The following RAD52 variants were observed in gnomAD, a reference collection of about 807,000 sequenced individuals.
RAD52 encodes RAD52 DNA repair protein.
RAD52 carries 47 observed loss-of-function variants against 55.5 expected under a neutral mutation model. The ratio of observed to expected loss-of-function variants is 0.85; its 90% confidence interval spans 0.67 to 1.08. The LOEUF is 1.08. RAD52 is among the 50% of genes least tolerant of loss of function. The pLI, the probability that RAD52 is intolerant of heterozygous loss-of-function variation, is 0.00. For synonymous variants in RAD52, 184 were observed against 198.9 expected, an observed-to-expected ratio of 0.92 and a Z score of 0.63; for missense variants, 468 against 522.8, an observed-to-expected ratio of 0.90 and a Z score of 1.02.
At chr12:980,117 G>A (rs1299065463) in intron 1 of RAD52, among the ~76,000 whole-genome samples, 7 of 152,004 alleles carry the variant, frequency 4.6e-5, no homozygotes, top group East Asian at 1.9e-4. Context: ...TTGAACCTGC[G>A]AGGCGGAGGT....
In RAD52 at chr12:922,154, A is replaced by G. The variant is rs537560949; in HGVS notation, c.543+3296T>C. Among the ~76,000 whole-genome samples, 68 of 150,536 alleles carry G rather than the reference A, an allele frequency of 4.5e-4. No homozygotes were observed. The Middle Eastern group carries it at 0.014, about 30-fold the overall frequency. ...ACTAATCATCAGGGGTATGCAAATC[A>G]TAACCCCAATAAAATATCACGCCCA... On this transcript the variant is annotated intron_variant, in intron 7 of 11. Coordinates refer to ENST00000358495, the MANE Select transcript of RAD52 (RefSeq NM_134424.4).
rs557289154 is a variant in RAD52 at position 943,990 on chromosome 12, C to T, written c.-19+5612G>A. ...CAGCACTTTGGGAGGCTGAGGCAGGCGGATTGCATGAGGTGAGGAGTTCAA... is the reference window on the plus strand; with the variant it reads ...CAGCACTTTGGGAGGCTGAGGCAGGTGGATTGCATGAGGTGAGGAGTTCAA... On this transcript the variant is annotated intron_variant, in intron 1 of 11. Coordinates refer to ENST00000358495, the MANE Select transcript of RAD52 (RefSeq NM_134424.4). Among the ~76,000 whole-genome samples, 13 of 151,812 alleles carry T rather than the reference C, an allele frequency of 8.6e-5. No individual in the cohort carries two copies. The South Asian group carries it at 2.5e-3, about 29-fold the overall frequency.
intron 1 of RAD52, among the ~76,000 whole-genome samples, chr12:986,760 T>C (rs79952330): frequency 0.055 from 8,285 of 151,724 alleles, 335 homozygotes; most frequent in Admixed American, 0.14. Flanking sequence ...TTTTTTTTTT[T>C]TTATCATAGT....
chr12:984,050 A>G (rs1038308926), intron 1 of RAD52, among the ~76,000 whole-genome samples: 8 of 152,170 alleles, frequency 5.3e-5, no homozygotes, highest in African/African-American at 1.7e-4. Context: ...CTGTGGCATT[A>G]AGTACATTCA....
At chr12:930,811 T>G (rs1460745504) in intron 3 of RAD52, among the ~76,000 whole-genome samples, 2 of 151,500 alleles carry the variant, frequency 1.3e-5, no homozygotes, top group African/African-American at 4.9e-5. Context: ...TACAGAACAT[T>G]AAAAAATTAA....
intron 5 of RAD52, among the ~76,000 whole-genome samples, chr12:927,711 C>G (rs975169450): frequency 5.3e-5 from 8 of 151,976 alleles, no homozygotes; most frequent in Admixed American, 2.6e-4. Flanking sequence ...ACTAAAAATA[C>G]AAAAATTAGC....
At chr12:916,871 C>T in intron 7 of RAD52, 51 bp from the exon 8 acceptor site, 2 of 1,563,482 alleles carry the variant, frequency 1.3e-6, no homozygotes, top group Non-Finnish European at 1.7e-6. Flanking sequence ...TTGCCCTCCG[C>T]TGCTTCTCCC....
intron 1 of RAD52, among the ~76,000 whole-genome samples, chr12:963,130 A>G (rs1323729873): frequency 1.3e-5 from 2 of 152,146 alleles, no homozygotes; most frequent in Non-Finnish European, 2.9e-5. Context: ...TTTTTGAAGA[A>G]AAGTTTTCAT....
At chr12:916,121 A>C (rs780757960) in intron 9 of RAD52, 3 of 1,243,046 alleles carry the variant, frequency 2.4e-6, no homozygotes, top group Non-Finnish European at 3.1e-6. Context: ...ACTTAGTTCC[A>C]CGGGGGAAAA....
At chr12:977,004 C>T (rs1353905627) in intron 1 of RAD52, 1 of 152,494 alleles carries the variant, frequency 6.6e-6, no homozygotes, top group Non-Finnish European at 1.5e-5. Context: ...ACATTGTTAG[C>T]CGTGGCGAGT....
Position 925,348 on chromosome 12 carries a change from C to T in RAD52, c.543+102G>A, listed in dbSNP as rs758686093. Reference sequence around the variant, plus strand: ...TCAACATTCCCGACCCTCTAAAGAGCTGAGTCCTCACTTTTTCTCCTTGCA... The same window carrying T: ...TCAACATTCCCGACCCTCTAAAGAGTTGAGTCCTCACTTTTTCTCCTTGCA... On this transcript the variant is annotated intron_variant, in intron 7 of 11. Coordinates refer to ENST00000358495, the MANE Select transcript of RAD52 (RefSeq NM_134424.4). The T allele has an allele frequency of 6.3e-6, 6 of 955,156 alleles. No individual in the cohort carries two copies. The East Asian group carries it at 1.4e-4, about 23-fold the overall frequency. 59.2% of individuals were successfully genotyped at this position (955,156 alleles called of 1,614,324 possible).
intron 1 of RAD52, among the ~76,000 whole-genome samples, chr12:984,703 C>T (rs1191392973): frequency 6.1e-5 from 9 of 148,526 alleles, no homozygotes; most frequent in African/African-American, 2.2e-4. Context: ...CTTGCTCTGT[C>T]GCCCAGGCTG....
chr12:918,727 C>T (rs1956544349), intron 7 of RAD52, among the ~76,000 whole-genome samples: 1 of 151,884 alleles, frequency 6.6e-6, no homozygotes, highest in African/African-American at 2.4e-5. Context: ...TTGTTAAAAG[C>T]GGTTTGCTCA....
At chr12:926,723 T>A in intron 6 of RAD52, 1 of 1,388,608 alleles carries the variant, frequency 7.2e-7, no homozygotes, top group Non-Finnish European at 9.7e-7. Context: ...CAGCCTCTGG[T>A]ATTCCTGTAT....
chr12:987,539 C>G (rs1959102008), intron 1 of RAD52, among the ~76,000 whole-genome samples: 1 of 151,294 alleles, frequency 6.6e-6, no homozygotes, highest in South Asian at 2.1e-4. Context: ...CAATTTCCAC[C>G]CCTTTGTATA....
chr12:952,256 G>T (rs529910310), upstream of RAD52, among the ~76,000 whole-genome samples: 5 of 152,162 alleles, frequency 3.3e-5, 1 homozygote, highest in South Asian at 1.0e-3. Context: ...ATGACACTAT[G>T]CCTGGCTAAT....
At chr12:944,774 T>C (rs10686557) in intron 1 of RAD52, among the ~76,000 whole-genome samples, 2 of 3,522 alleles carry the variant, frequency 5.7e-4, no homozygotes, top group Non-Finnish European at 2.1e-3. Flanking sequence ...TTCTTTCTTT[T>C]TTTTTTTTTT....
chr12:945,348 C>CA (rs202144770), intron 1 of RAD52, among the ~76,000 whole-genome samples: 17,827 of 139,028 alleles, frequency 0.13, 1,404 homozygotes, highest in African/African-American at 0.21. Flanking sequence ...GACTCTGTCT[C>CA]AAAAAAAAAA....
intron 1 of RAD52, among the ~76,000 whole-genome samples, chr12:978,353 G>A (rs1025163597): frequency 2.8e-4 from 43 of 152,162 alleles, no homozygotes; most frequent in African/African-American, 8.2e-4. Flanking sequence ...ACGCCCGGCC[G>A]TTTGTAGTTC....
Sources: allele counts gnomAD v4.1 joint callset (sites outside exome capture counted in the v4.1 genomes callset), GRCh38; gene constraint gnomAD v4.1.1; transcripts MANE v1.5; gene names NCBI Gene and HGNC (gene_info 2026-07-23, HGNC 2026-07-21).